GRXCR1: variants seen among roughly 807,000 people sequenced by gnomAD.
GRXCR1 encodes the protein glutaredoxin and cysteine rich domain containing 1.
GRXCR1 carries 27 observed loss-of-function variants against 27.3 expected under a neutral mutation model. That is an observed-to-expected ratio of 0.99 (90% CI 0.73 to 1.37). The LOEUF is 1.37. GRXCR1 is among the 40% of genes most tolerant of loss of function. The pLI is 0.00. For synonymous variants in GRXCR1, 122 were observed against 131.1 expected (o/e 0.93, Z 0.47); for missense variants, 379 against 354.4 (o/e 1.07, Z -0.56).
chr4:42,912,717 C>T (rs1377871310), intron 1 of GRXCR1, among the ~76,000 whole-genome samples: 2 of 152,122 alleles, frequency 1.3e-5, no homozygotes, highest in East Asian at 1.9e-4. Flanking sequence ...AACTAAAGTG[C>T]TGATCCTAGT....
At chr4:42,946,145 A>G (rs977002731) in intron 1 of GRXCR1, among the ~76,000 whole-genome samples, 4 of 152,184 alleles carry the variant, frequency 2.6e-5, no homozygotes, top group Non-Finnish European at 4.4e-5. Flanking sequence ...AATGATATAT[A>G]CCCAGTGGAA....
At chr4:43,010,819 A>G (rs1214028070) in intron 2 of GRXCR1, among the ~76,000 whole-genome samples, 1 of 152,222 alleles carries the variant, frequency 6.6e-6, no homozygotes, top group Non-Finnish European at 1.5e-5. Flanking sequence ...TACTTCCACT[A>G]GTCTTTTAAA....
chr4:42,970,115 T>C (rs1748350656), intron 2 of GRXCR1, among the ~76,000 whole-genome samples: 1 of 152,160 alleles, frequency 6.6e-6, no homozygotes, highest in African/African-American at 2.4e-5. Context: ...CAGGGTATGC[T>C]AATGCAAGGG....
chr4:42,934,258 G>T, intron 1 of GRXCR1, among the ~76,000 whole-genome samples: 1 of 115,194 alleles, frequency 8.7e-6, no homozygotes, highest in East Asian at 2.8e-4. Flanking sequence ...ATATATATAT[G>T]TATATATGTA....
At chr4:42,977,208 C>A (rs529918919) in intron 2 of GRXCR1, among the ~76,000 whole-genome samples, 12 of 151,798 alleles carry the variant, frequency 7.9e-5, no homozygotes, top group Admixed American at 5.9e-4. Flanking sequence ...TTTTTTTATC[C>A]ATTTATCCAC....
chr4:42,910,866 G>A (rs1168000709), intron 1 of GRXCR1, among the ~76,000 whole-genome samples: 1 of 152,068 alleles, frequency 6.6e-6, no homozygotes, highest in Non-Finnish European at 1.5e-5. Context: ...TTCTTGAAAT[G>A]CTGCCACTTT....
intron 2 of GRXCR1, among the ~76,000 whole-genome samples, chr4:42,980,710 G>A (rs1432286919): frequency 1.3e-5 from 2 of 151,968 alleles, no homozygotes; most frequent in South Asian, 2.1e-4. Flanking sequence ...TGGATAATCT[G>A]TCTATTGTTG....
intron 2 of GRXCR1, among the ~76,000 whole-genome samples, chr4:43,007,522 G>A (rs529410670): frequency 1.4e-4 from 22 of 152,280 alleles, no homozygotes; most frequent in South Asian, 2.1e-4. Context: ...AGATCATTCC[G>A]GCCTCTGCAT....
intron 2 of GRXCR1, among the ~76,000 whole-genome samples, chr4:42,976,860 G>T (rs1595193): frequency 2.0e-5 from 3 of 151,598 alleles, no homozygotes; most frequent in Non-Finnish European, 2.9e-5. Context: ...AGAATGCAAC[G>T]TATTGTTATT....
At chr4:42,929,731 A>G (rs1303744900) in intron 1 of GRXCR1, among the ~76,000 whole-genome samples, 9 of 151,926 alleles carry the variant, frequency 5.9e-5, no homozygotes, top group Admixed American at 2.0e-4. Context: ...GAATGACCCA[A>G]GCTGCCCCCA....
At chr4:42,940,463 G>A (rs1365324917) in intron 1 of GRXCR1, among the ~76,000 whole-genome samples, 1 of 151,964 alleles carries the variant, frequency 6.6e-6, no homozygotes, top group Admixed American at 6.6e-5. Context: ...TGTAAGGATG[G>A]GAGCAACAAC....
At chr4:43,001,774 G>A (rs151164992) in intron 2 of GRXCR1, among the ~76,000 whole-genome samples, 4,419 of 152,212 alleles carry the variant, frequency 0.029, 97 homozygotes, top group Middle Eastern at 0.054. Context: ...AGCACACCAA[G>A]GACCTGCACC....
chr4:43,006,534 A>G (rs1712564209), intron 2 of GRXCR1, among the ~76,000 whole-genome samples: 1 of 152,182 alleles, frequency 6.6e-6, no homozygotes, highest in African/African-American at 2.4e-5. Flanking sequence ...CCAGTCTCCC[A>G]TAGCACTCCC....
intron 1 of GRXCR1, among the ~76,000 whole-genome samples, chr4:42,904,383 G>A (rs1169540315): frequency 1.3e-5 from 2 of 152,098 alleles, no homozygotes; most frequent in Non-Finnish European, 2.9e-5. Flanking sequence ...AGAAATCAAA[G>A]CCCCCCTTTT....
intron 2 of GRXCR1, among the ~76,000 whole-genome samples, chr4:42,972,902 T>G (rs1748422663): frequency 6.6e-6 from 1 of 152,074 alleles, no homozygotes; most frequent in Non-Finnish European, 1.5e-5. Flanking sequence ...CCACTTGAAA[T>G]GATTCCATAT....
chr4:42,920,609 G>A (rs979294297), intron 1 of GRXCR1, among the ~76,000 whole-genome samples: 1 of 152,104 alleles, frequency 6.6e-6, no homozygotes, highest in Non-Finnish European at 1.5e-5. Flanking sequence ...AGATCCCAGT[G>A]CATGTCAGTG....
chr4:42,945,742 A>G (rs1455741204), intron 1 of GRXCR1, among the ~76,000 whole-genome samples: 1 of 152,130 alleles, frequency 6.6e-6, no homozygotes, highest in Non-Finnish European at 1.5e-5. Flanking sequence ...ACATCTGCAC[A>G]AGCATTTAAC....
At chr4:42,992,240 A>G (rs1711996179) in intron 2 of GRXCR1, among the ~76,000 whole-genome samples, 1 of 152,200 alleles carries the variant, frequency 6.6e-6, no homozygotes, top group Non-Finnish European at 1.5e-5. Flanking sequence ...TAGGAATGGC[A>G]TTAAAATGAA....
At chr4:42,942,046 G>T (rs1332905082) in intron 1 of GRXCR1, among the ~76,000 whole-genome samples, 1 of 151,964 alleles carries the variant, frequency 6.6e-6, no homozygotes, top group Non-Finnish European at 1.5e-5. Flanking sequence ...TTCACAGCTT[G>T]TTCTTGTCCT....
Sources: gnomAD v4.1 joint callset for allele counts (sites outside exome capture counted in the v4.1 genomes callset) on GRCh38, gnomAD v4.1.1 for gene constraint, MANE v1.5 for transcripts, NCBI Gene and HGNC (gene_info 2026-07-23, HGNC 2026-07-21) for gene names.